The following GANAB variants were observed in gnomAD, a reference collection of about 807,000 sequenced individuals.
GANAB encodes neutral alpha-glucosidase AB.
Under a neutral mutation model 129.9 loss-of-function variants are expected in GANAB, and 35 were observed. That is an observed-to-expected ratio of 0.27 (90% CI 0.21 to 0.36). GANAB has a LOEUF of 0.36. GANAB is among the 10% of genes least tolerant of loss of function. The probability of loss-of-function intolerance (pLI) is 1.00; values close to 1 mark genes in which losing one functional copy is unlikely to be tolerated. For synonymous variants in GANAB, 482 were observed against 451.8 expected, an observed-to-expected ratio of 1.07 and a Z score of -0.85; for missense variants, 939 against 1,221.0, an observed-to-expected ratio of 0.77 and a Z score of 3.44.
intron 4 of GANAB, among the ~76,000 whole-genome samples, chr11:62,636,147 C>G (rs531542145): frequency 1.2e-4 from 18 of 152,080 alleles, no homozygotes; most frequent in South Asian, 6.2e-4. Context: ...CCCACCACCA[C>G]GCCCGGCTAA....
At chr11:62,641,065 G>A (rs567461800) in intron 1 of GANAB, among the ~76,000 whole-genome samples, 2 of 152,078 alleles carry the variant, frequency 1.3e-5, no homozygotes, top group Non-Finnish European at 2.9e-5. Flanking sequence ...AAGGCCGGGC[G>A]CAGTGGCTCA....
rs375012751 is a variant in GANAB, at chr11:62,626,528, A to G, written c.2511+43T>C. ...AACCCCAGAGAACTGAGTCCTAGGA[A>G]GGCAGGCAAATGGCTGAGGAGACTC... On this transcript the variant is annotated intron_variant, in intron 21 of 23. Transcript: ENST00000356638. 17 of 1,512,616 alleles carry G rather than the reference A, an allele frequency of 1.1e-5. 1 individual carries two copies. In the South Asian group the frequency reaches 1.9e-4, roughly 17 times the overall value. 93.7% of individuals were successfully genotyped at this position (1,512,616 alleles called of 1,614,324 possible).
chr11:62,646,401 C>G (rs1008441518), intron 1 of GANAB, among the ~76,000 whole-genome samples, 161 bp downstream of exon 1: 1 of 152,150 alleles, frequency 6.6e-6, no homozygotes, highest in Non-Finnish European at 1.5e-5. Context: ...TCGGATCTAC[C>G]ACGGGGAGAC....
intron 4 of GANAB, among the ~76,000 whole-genome samples, chr11:62,636,251 G>A (rs1416857713): frequency 1.3e-5 from 2 of 151,460 alleles, no homozygotes; most frequent in East Asian, 2.0e-4. Flanking sequence ...TTGGCCTCTC[G>A]AAGTGCTGGG....
chr11:62,633,148 C>T (rs1943769380), intron 7 of GANAB, 36 bp downstream of exon 7: 1 of 1,600,068 alleles, frequency 6.2e-7, no homozygotes, highest in Non-Finnish European at 8.6e-7. Flanking sequence ...TGGAAAGGAG[C>T]CCTGCACCCC....
intron 3 of GANAB, 114 bp downstream of exon 3, chr11:62,639,245 A>G (rs1425588555): frequency 3.1e-6 from 4 of 1,304,840 alleles, no homozygotes; most frequent in Non-Finnish European, 4.4e-6. Flanking sequence ...TTCTTCATAA[A>G]GTAAAAGTCC....
At chr11:62,638,689 C>T (rs764598909) in intron 4 of GANAB, among the ~76,000 whole-genome samples, 1 of 151,822 alleles carries the variant, frequency 6.6e-6, no homozygotes, top group Non-Finnish European at 1.5e-5. Flanking sequence ...TCCTGGAGAA[C>T]GAGATCTGTA....
intron 1 of GANAB, chr11:62,639,950 A>T: frequency 1.9e-6 from 1 of 532,506 alleles, no homozygotes; most frequent in Non-Finnish European, 3.4e-6. Context: ...TGAAAGGCAG[A>T]GTAGGCTGGG....
At chr11:62,626,196 G>A (rs754238978) in intron 22 of GANAB, 31 bp from the exon 23 acceptor site, 59 of 1,503,890 alleles carry the variant, frequency 3.9e-5, no homozygotes, top group Admixed American at 3.2e-4. Context: ...TGTCCATCAG[G>A]GGGAAAAATA....
chr11:62,626,833 A>T (rs957165060), intron 20 of GANAB, 27 bp downstream of exon 20: 5 of 1,554,376 alleles, frequency 3.2e-6, no homozygotes, highest in African/African-American at 2.7e-5. Context: ...GGGAGATGGA[A>T]CCGGCAGCCA....
At chr11:62,638,934 G>A (rs1468692756) in intron 4 of GANAB, 49 bp downstream of exon 4, 1 of 1,597,324 alleles carries the variant, frequency 6.3e-7, no homozygotes, top group Admixed American at 1.7e-5. Flanking sequence ...AGGTTCATCA[G>A]GAAGGAGAAA....
At chr11:62,646,212 T>C (rs1944473387) in intron 1 of GANAB, among the ~76,000 whole-genome samples, 1 of 152,212 alleles carries the variant, frequency 6.6e-6, no homozygotes, top group Admixed American at 6.5e-5. Context: ...GCCGCATCTT[T>C]TCCCCCGCCC....
intron 1 of GANAB, among the ~76,000 whole-genome samples, chr11:62,645,250 G>A (rs561859734): frequency 1.6e-3 from 241 of 152,232 alleles, no homozygotes; most frequent in African/African-American, 5.3e-3. Flanking sequence ...AGTACAGTGA[G>A]TTGAGGCCGG....
At chr11:62,635,069 AC>A in intron 4 of GANAB, 69 bp from the exon 5 acceptor site, 1 of 1,132,718 alleles carries the variant, frequency 8.8e-7, no homozygotes, top group Non-Finnish European at 1.3e-6. Context: ...ACTTTAGAAG[AC>A]CGGGGGAAAT....
At chr11:62,626,835 C>T (rs1271289571) in intron 20 of GANAB, 25 bp downstream of exon 20, 27 of 1,559,582 alleles carry the variant, frequency 1.7e-5, no homozygotes, top group South Asian at 9.0e-5. Flanking sequence ...GAGATGGAAC[C>T]GGCAGCCAGA....
chr11:62,637,211 C>T (rs181579788), intron 4 of GANAB, among the ~76,000 whole-genome samples: 1 of 152,170 alleles, frequency 6.6e-6, no homozygotes, highest in Admixed American at 6.5e-5. Flanking sequence ...ACTAAAGAAA[C>T]CTCAAGTATG....
At chr11:62,643,657 T>C (rs964884527) in intron 1 of GANAB, among the ~76,000 whole-genome samples, 6 of 151,574 alleles carry the variant, frequency 4.0e-5, no homozygotes, top group African/African-American at 1.5e-4. Flanking sequence ...AAAATAGATA[T>C]ATACAAAAAT....
chr11:62,629,771 T>A (rs1456683238), intron 14 of GANAB, 43 bp downstream of exon 14: 1 of 1,611,894 alleles, frequency 6.2e-7, no homozygotes, highest in Non-Finnish European at 8.5e-7. Flanking sequence ...GTCTCTGGGC[T>A]GTTTTCCCTC....
At chr11:62,638,857 G>C in intron 4 of GANAB, 126 bp downstream of exon 4, 1 of 814,728 alleles carries the variant, frequency 1.2e-6, no homozygotes, top group Non-Finnish European at 2.0e-6. Context: ...AGGTTGAGGA[G>C]TATGGCAAGG....
Sources: allele counts gnomAD v4.1 joint callset (sites outside exome capture counted in the v4.1 genomes callset), GRCh38; gene constraint gnomAD v4.1.1; transcripts MANE v1.5; gene names NCBI Gene and HGNC (gene_info 2026-07-23, HGNC 2026-07-21).